Variants in NEGR1 observed in about 807,000 individuals in gnomAD.
NEGR1 encodes the protein IgLON family member 4.
Under a neutral mutation model 40.9 loss-of-function variants are expected in NEGR1, and 10 were observed. That is an observed-to-expected ratio of 0.24 (90% CI 0.15 to 0.42). The LOEUF is 0.42. NEGR1 is among the 10% of genes least tolerant of loss of function. The pLI is 1.00. For synonymous variants in NEGR1, 185 were observed against 166.8 expected (o/e 1.11, Z -0.84); for missense variants, 352 against 438.9 (o/e 0.80, Z 1.77).
intron 6 of NEGR1, among the ~76,000 whole-genome samples, chr1:71,582,203 T>C (rs1286236204): frequency 6.6e-6 from 1 of 152,088 alleles, no homozygotes; most frequent in East Asian, 1.9e-4. Context: ...AGAAGTTTTG[T>C]GAGGAGGGTA....
At chr1:71,776,099 G>A (rs1656497403) in intron 3 of NEGR1, 73 bp downstream of exon 3, 2 of 1,157,236 alleles carry the variant, frequency 1.7e-6, no homozygotes, top group Admixed American at 2.8e-5. Flanking sequence ...CTTAAGTTCT[G>A]AACAAGTGAG....
At chr1:71,951,269 A>G (rs1448194956) in intron 1 of NEGR1, among the ~76,000 whole-genome samples, 3 of 151,954 alleles carry the variant, frequency 2.0e-5, no homozygotes, top group African/African-American at 7.2e-5. Flanking sequence ...ATCTTTACCA[A>G]TGGCTGAAAG....
intron 1 of NEGR1, among the ~76,000 whole-genome samples, chr1:71,970,822 G>A (rs949841146): frequency 1.1e-4 from 17 of 152,156 alleles, no homozygotes; most frequent in Admixed American, 7.9e-4. Flanking sequence ...ACCGATCATT[G>A]TATCTGGGAC....
intron 6 of NEGR1, among the ~76,000 whole-genome samples, chr1:71,587,639 C>T (rs1340129620): frequency 1.7e-5 from 2 of 116,148 alleles, no homozygotes; most frequent in African/African-American, 6.5e-5. Context: ...TAAATGCATA[C>T]ACGAGTACAC....
chr1:72,117,594 A>G (rs1423973662), intron 1 of NEGR1, among the ~76,000 whole-genome samples: 1 of 151,730 alleles, frequency 6.6e-6, no homozygotes, highest in African/African-American at 2.4e-5. Context: ...AATACCATGG[A>G]ATTTGGGACA....
At chr1:72,095,639 A>C (rs1041445858) in intron 1 of NEGR1, among the ~76,000 whole-genome samples, 1 of 151,924 alleles carries the variant, frequency 6.6e-6, no homozygotes, top group African/African-American at 2.4e-5. Context: ...TCATCTACAT[A>C]TACATATATA....
intron 4 of NEGR1, among the ~76,000 whole-genome samples, chr1:71,650,710 TA>T (rs1337901833): frequency 1.3e-5 from 2 of 152,204 alleles, no homozygotes; most frequent in Non-Finnish European, 2.9e-5. Flanking sequence ...AAATTTTGAT[TA>T]AAATAAATAC....
chr1:71,790,603 T>C (rs1296248745), intron 2 of NEGR1, among the ~76,000 whole-genome samples: 1 of 152,008 alleles, frequency 6.6e-6, no homozygotes, highest in South Asian at 2.1e-4. Context: ...GAAAAAAGTA[T>C]GGTAGAATTC....
At chr1:72,002,124 T>G (rs1015339179) in intron 1 of NEGR1, among the ~76,000 whole-genome samples, 3 of 152,258 alleles carry the variant, frequency 2.0e-5, no homozygotes, top group African/African-American at 7.2e-5. Flanking sequence ...TGATTATATG[T>G]GAAAATTCTT....
intron 1 of NEGR1, among the ~76,000 whole-genome samples, chr1:72,142,919 G>C (rs1036419759): frequency 4.0e-5 from 6 of 151,838 alleles, no homozygotes; most frequent in Non-Finnish European, 7.4e-5. Context: ...TATTTGCTTT[G>C]GAAGGTACAT....
In NEGR1 at chr1:71,915,921, G is replaced by GGATGTTCAGA. The variant is rs1203226035; in HGVS notation, c.409+19148_409+19157dup. ...ACAGACTATGATAGGACCGCCAAAAGGATGTTCAGAGATGTTCAGAGAAGA... is the reference window on the plus strand; with the variant it reads ...ACAGACTATGATAGGACCGCCAAAAGGATGTTCAGAGATGTTCAGAGATGTTCAGAGAAGA... On this transcript the variant is annotated intron_variant, in intron 2 of 6. Transcript: ENST00000357731. 3.9e-5 allele frequency among the ~76,000 whole-genome samples: 6 copies of GGATGTTCAGA among 152,324 alleles called. No individual in the cohort carries two copies. In the East Asian group the frequency reaches 1.2e-3, roughly 29 times the overall value.
intron 2 of NEGR1, among the ~76,000 whole-genome samples, chr1:71,871,006 G>A (rs955495383): frequency 1.3e-5 from 2 of 152,200 alleles, no homozygotes; most frequent in African/African-American, 2.4e-5. Flanking sequence ...CTGGGGATAA[G>A]AGAACTGTGA....
At chr1:72,146,923 C>T (rs1341343284) in intron 1 of NEGR1, among the ~76,000 whole-genome samples, 4 of 152,106 alleles carry the variant, frequency 2.6e-5, no homozygotes, top group Non-Finnish European at 4.4e-5. Flanking sequence ...GGTTGCATTT[C>T]CTACTATGTC....
chr1:72,036,968 AT>A (rs924808570), intron 1 of NEGR1, among the ~76,000 whole-genome samples: 2 of 152,112 alleles, frequency 1.3e-5, no homozygotes, highest in African/African-American at 4.8e-5. Flanking sequence ...TAAATCCTAT[AT>A]TTTTTAGTAG....
At chr1:72,123,387 G>T (rs1436017571) in intron 1 of NEGR1, among the ~76,000 whole-genome samples, 1 of 151,580 alleles carries the variant, frequency 6.6e-6, no homozygotes, top group Non-Finnish European at 1.5e-5. Context: ...AGCATGCTGA[G>T]AAATACCTTT....
chr1:71,980,852 T>C (rs1646348038), intron 1 of NEGR1, among the ~76,000 whole-genome samples: 1 of 152,134 alleles, frequency 6.6e-6, no homozygotes. Context: ...TGCATTCCCA[T>C]GTTATTCCCT....
At chr1:71,515,654 A>T (rs1647116933) in intron 6 of NEGR1, among the ~76,000 whole-genome samples, 1 of 122,018 alleles carries the variant, frequency 8.2e-6, no homozygotes, top group Non-Finnish European at 1.7e-5. Context: ...GACTAGGAAG[A>T]AACTGCATGA....
chr1:71,482,641 ATATT>A (rs1646861599), intron 6 of NEGR1, among the ~76,000 whole-genome samples: 1 of 151,820 alleles, frequency 6.6e-6, no homozygotes, highest in African/African-American at 2.4e-5. Flanking sequence ...CAATGTTTTG[ATATT>A]TATTACTTTT....
At chr1:71,490,491 G>A (rs931280314) in intron 6 of NEGR1, among the ~76,000 whole-genome samples, 1 of 151,990 alleles carries the variant, frequency 6.6e-6, no homozygotes, top group Admixed American at 6.6e-5. Context: ...GACATATAAT[G>A]TAGCAGATAT....
Sources: allele counts gnomAD v4.1 joint callset (sites outside exome capture counted in the v4.1 genomes callset), GRCh38; gene constraint gnomAD v4.1.1; transcripts MANE v1.5; gene names NCBI Gene and HGNC (gene_info 2026-07-23, HGNC 2026-07-21).